PTPRN2: variants seen among roughly 807,000 people sequenced by gnomAD.
The protein encoded by PTPRN2 is receptor-type tyrosine-protein phosphatase N2.
A neutral mutation model predicts 118.8 loss-of-function variants in PTPRN2; 74 were observed. The observed-to-expected ratio is 0.62, with a 90% CI of 0.52 to 0.76. The LOEUF (loss-of-function observed/expected upper bound fraction) is 0.76, where lower values mean the gene tolerates loss of function less well. PTPRN2 is among the 30% of genes least tolerant of loss of function. The probability of loss-of-function intolerance (pLI) is 0.00; values close to 1 mark genes in which losing one functional copy is unlikely to be tolerated. For synonymous variants in PTPRN2, 641 were observed against 608.0 expected (o/e 1.05, Z -0.80); for missense variants, 1,481 against 1,394.4 (o/e 1.06, Z -0.99).
intron 9 of PTPRN2, among the ~76,000 whole-genome samples, chr7:158,131,977 AACAC>A (rs62640214): frequency 6.7e-6 from 1 of 150,126 alleles, no homozygotes; most frequent in African/African-American, 2.5e-5. Context: ...ACATCTACCC[AACAC>A]ACACACTCAC....
At chr7:157,599,641 T>A (rs1156592740) in intron 16 of PTPRN2, among the ~76,000 whole-genome samples, 1 of 152,196 alleles carries the variant, frequency 6.6e-6, no homozygotes, top group Non-Finnish European at 1.5e-5. Flanking sequence ...GCCTCCATGG[T>A]GGCAGAGGCA....
chr7:157,640,771 G>A (rs1052577075), intron 14 of PTPRN2, among the ~76,000 whole-genome samples: 1 of 152,124 alleles, frequency 6.6e-6, no homozygotes, highest in Non-Finnish European at 1.5e-5. Context: ...AGAGAACAGG[G>A]TTTCAAGGTA....
intron 2 of PTPRN2, among the ~76,000 whole-genome samples, chr7:158,389,973 C>T (rs1811799936): frequency 6.6e-6 from 1 of 152,252 alleles, no homozygotes; most frequent in Non-Finnish European, 1.5e-5. Context: ...CTCCTGCATC[C>T]ACCTCGGATG....
At chr7:158,149,715 A>C (rs2150519288) in intron 6 of PTPRN2, among the ~76,000 whole-genome samples, 1 of 152,126 alleles carries the variant, frequency 6.6e-6, no homozygotes, top group East Asian at 1.9e-4. Context: ...AAGGCAGGAG[A>C]ATTGCTTGAA....
At chr7:157,789,883 A>C (rs547855376) in intron 12 of PTPRN2, among the ~76,000 whole-genome samples, 1 of 138,932 alleles carries the variant, frequency 7.2e-6, no homozygotes, top group Non-Finnish European at 1.5e-5. Context: ...GTATGTGTGC[A>C]GGTATGTGTG....
intron 1 of PTPRN2, among the ~76,000 whole-genome samples, chr7:158,586,757 G>A (rs985300215): frequency 6.6e-6 from 1 of 152,106 alleles, no homozygotes. Context: ...GCTGCCCGCG[G>A]GGGGGTGCGG....
chr7:158,465,772 C>A (rs1254761840), intron 2 of PTPRN2, among the ~76,000 whole-genome samples: 1 of 152,212 alleles, frequency 6.6e-6, no homozygotes, highest in East Asian at 1.9e-4. Flanking sequence ...AAGCCAGCTA[C>A]CTGCCACATG....
intron 3 of PTPRN2, among the ~76,000 whole-genome samples, chr7:158,315,411 C>G (rs1162524919): frequency 6.6e-6 from 1 of 151,726 alleles, no homozygotes; most frequent in Non-Finnish European, 1.5e-5. Flanking sequence ...CCCAGGACGC[C>G]CTCAAGGACA....
intron 2 of PTPRN2, among the ~76,000 whole-genome samples, chr7:158,340,969 T>G (rs199933400): frequency 3.0e-4 from 16 of 54,130 alleles, no homozygotes; most frequent in African/African-American, 8.8e-4. Flanking sequence ...CGCCCGCAGA[T>G]GTCACTCACA....
chr7:157,941,485 C>T (rs1285008631), intron 11 of PTPRN2, among the ~76,000 whole-genome samples: 1 of 150,966 alleles, frequency 6.6e-6, no homozygotes, highest in Non-Finnish European at 1.5e-5. Context: ...CTCCCCCCTC[C>T]GTGACACTGC....
intron 2 of PTPRN2, among the ~76,000 whole-genome samples, chr7:158,411,060 G>GCCCATCCAGC (rs1814042155): frequency 6.6e-6 from 1 of 151,776 alleles, no homozygotes. Context: ...GCGAACCCGG[G>GCCCATCCAGC]GCCCTCTCCT....
At chr7:158,459,348 TCCAGAATCCAGAG>T in intron 2 of PTPRN2, among the ~76,000 whole-genome samples, 5 of 106,082 alleles carry the variant, frequency 4.7e-5, no homozygotes, top group African/African-American at 1.0e-4. Context: ...ACGAACAGGC[TCCAGAATCCAGAG>T]GCCCCGCTTG....
At chr7:157,566,070 G>A (rs1799472770) in intron 21 of PTPRN2, among the ~76,000 whole-genome samples, 1 of 152,192 alleles carries the variant, frequency 6.6e-6, no homozygotes, top group East Asian at 1.9e-4. Flanking sequence ...CTTCAACTAG[G>A]CCCAAAGGCC....
At chr7:158,018,229 C>G (rs1203851708) in intron 11 of PTPRN2, among the ~76,000 whole-genome samples, 1 of 152,224 alleles carries the variant, frequency 6.6e-6, no homozygotes, top group Non-Finnish European at 1.5e-5. Flanking sequence ...GTAACTGGAA[C>G]AGTCTGTGTG....
At chr7:157,543,187 C>A (rs1798096169) in intron 22 of PTPRN2, among the ~76,000 whole-genome samples, 1 of 152,196 alleles carries the variant, frequency 6.6e-6, no homozygotes, top group Non-Finnish European at 1.5e-5. Flanking sequence ...TGAGTGCCAG[C>A]AGTCTGAACA....
At chr7:157,620,802 C>CG (rs1334442387) in intron 15 of PTPRN2, among the ~76,000 whole-genome samples, 4 of 152,134 alleles carry the variant, frequency 2.6e-5, no homozygotes, top group African/African-American at 2.4e-5. Flanking sequence ...CTGCTGCAGG[C>CG]GGGGGGTGCC....
chr7:158,410,258 A>G (rs1813934344), intron 2 of PTPRN2, among the ~76,000 whole-genome samples: 1 of 152,090 alleles, frequency 6.6e-6, no homozygotes, highest in African/African-American at 2.4e-5. Context: ...CTCTCCCGAC[A>G]CCAAAATGTC....
chr7:157,666,530 A>G (rs1297670516), intron 13 of PTPRN2, among the ~76,000 whole-genome samples: 3 of 151,632 alleles, frequency 2.0e-5, no homozygotes, highest in Admixed American at 2.0e-4. Flanking sequence ...ACAGTAGAAA[A>G]TGAAATCCAT....
At chr7:158,561,941 C>CT (rs1827415975) in intron 1 of PTPRN2, among the ~76,000 whole-genome samples, 2 of 152,204 alleles carry the variant, frequency 1.3e-5, no homozygotes, top group South Asian at 4.1e-4. Context: ...AAGAGGAACA[C>CT]TGAGAGGAAG....
Sources: gnomAD v4.1 joint callset for allele counts (sites outside exome capture counted in the v4.1 genomes callset) on GRCh38, gnomAD v4.1.1 for gene constraint, MANE v1.5 for transcripts, NCBI Gene and HGNC (gene_info 2026-07-23, HGNC 2026-07-21) for gene names.